Variants in RFPL1 observed in about 807,000 individuals in gnomAD.
The protein encoded by RFPL1 is ret finger protein-like 1.
RFPL1 carries 6 observed loss-of-function variants against 9.6 expected under a neutral mutation model. That is an observed-to-expected ratio of 0.62 (90% CI 0.34 to 1.23). The LOEUF (loss-of-function observed/expected upper bound fraction) is 1.23, where lower values mean the gene tolerates loss of function less well. RFPL1 is among the 50% of genes most tolerant of loss of function. The probability of loss-of-function intolerance (pLI) is 0.03; values close to 1 mark genes in which losing one functional copy is unlikely to be tolerated. For synonymous variants in RFPL1, 145 were observed against 149.4 expected (o/e 0.97, Z 0.22); for missense variants, 352 against 398.4 (o/e 0.88, Z 0.99).
the RFPL1 span, among the ~76,000 whole-genome samples, chr22:29,408,541 G>A: frequency 1.3e-5 from 2 of 152,238 alleles, no homozygotes; most frequent in African/African-American, 2.4e-5. Flanking sequence ...ACACGGCGGT[G>A]TGGAGGAGAA....
the RFPL1 span, among the ~76,000 whole-genome samples, chr22:29,390,787 C>T: frequency 6.6e-6 from 1 of 150,542 alleles, no homozygotes; most frequent in African/African-American, 2.4e-5. Flanking sequence ...TTAGTAGAGA[C>T]GGGGTTTCAC....
At chr22:29,403,540 G>A in the RFPL1 span, among the ~76,000 whole-genome samples, 9 of 152,204 alleles carry the variant, frequency 5.9e-5, no homozygotes, top group African/African-American at 1.7e-4. Flanking sequence ...GGCTGGTGGC[G>A]AAGTGCAGGT....
chr22:29,435,719 C>G (rs2062805496), upstream of RFPL1, among the ~76,000 whole-genome samples: 2 of 144,864 alleles, frequency 1.4e-5, no homozygotes, highest in African/African-American at 5.3e-5. Flanking sequence ...AATATATATA[C>G]AAAGAAAAAA....
chr22:29,429,708 A>G, the RFPL1 span, among the ~76,000 whole-genome samples: 3 of 152,236 alleles, frequency 2.0e-5, no homozygotes, highest in Non-Finnish European at 4.4e-5. Context: ...CTTGTAAATG[A>G]TATGATCTTA....
chr22:29,412,141 T>C, the RFPL1 span, among the ~76,000 whole-genome samples: 3 of 151,976 alleles, frequency 2.0e-5, no homozygotes, highest in African/African-American at 7.3e-5. Flanking sequence ...AGGAATCAGG[T>C]CCCCACTTTT....
chr22:29,397,117 G>A, the RFPL1 span, among the ~76,000 whole-genome samples: 2 of 147,516 alleles, frequency 1.4e-5, no homozygotes, highest in African/African-American at 5.0e-5. Context: ...CACCGTGTTA[G>A]CCAGGATGGT....
At chr22:29,425,913 A>C in the RFPL1 span, among the ~76,000 whole-genome samples, 50 of 152,034 alleles carry the variant, frequency 3.3e-4, no homozygotes, top group South Asian at 2.1e-3. Context: ...AATTATTGAT[A>C]ATTTTTATTT....
the RFPL1 span, among the ~76,000 whole-genome samples, chr22:29,396,897 C>CTTT: frequency 4.8e-3 from 346 of 72,582 alleles, 32 homozygotes; most frequent in African/African-American, 0.022. Flanking sequence ...CCTGAAACTT[C>CTTT]TTTTTTTTTT....
the RFPL1 span, among the ~76,000 whole-genome samples, chr22:29,432,345 C>T: frequency 6.6e-6 from 1 of 152,158 alleles, no homozygotes; most frequent in Non-Finnish European, 1.5e-5. Context: ...CCTCCTATCA[C>T]CCTGTGATGA....
At chr22:29,417,389 G>A in the RFPL1 span, among the ~76,000 whole-genome samples, 2 of 151,816 alleles carry the variant, frequency 1.3e-5, no homozygotes, top group South Asian at 2.1e-4. Context: ...GCCCCTTCCC[G>A]GAGCTGCTGG....
the RFPL1 span, among the ~76,000 whole-genome samples, chr22:29,423,650 A>C: frequency 2.6e-5 from 4 of 152,234 alleles, no homozygotes; most frequent in Non-Finnish European, 4.4e-5. Context: ...GGCACACATT[A>C]ACTCATTAGA....
At chr22:29,389,908 C>T in the RFPL1 span, among the ~76,000 whole-genome samples, 1 of 151,800 alleles carries the variant, frequency 6.6e-6, no homozygotes, top group Non-Finnish European at 1.5e-5. Flanking sequence ...AAGCGATTCT[C>T]CTGCCTGGGC....
At chr22:29,393,249 A>G in the RFPL1 span, among the ~76,000 whole-genome samples, 2 of 152,130 alleles carry the variant, frequency 1.3e-5, no homozygotes, top group Non-Finnish European at 2.9e-5. Context: ...CTTTCCCAAT[A>G]ATTCCATGAC....
At chr22:29,431,697 T>A in the RFPL1 span, among the ~76,000 whole-genome samples, 2 of 152,066 alleles carry the variant, frequency 1.3e-5, no homozygotes, top group African/African-American at 4.8e-5. Flanking sequence ...GTTCTTTTTT[T>A]TTTTTTGAGA....
the RFPL1 span, among the ~76,000 whole-genome samples, chr22:29,408,516 T>A: frequency 5.9e-5 from 9 of 152,252 alleles, no homozygotes; most frequent in African/African-American, 1.7e-4. Context: ...CCATTGAAGA[T>A]GTGCAGGCGT....
the RFPL1 span, among the ~76,000 whole-genome samples, chr22:29,430,891 C>T: frequency 6.6e-6 from 1 of 152,302 alleles, no homozygotes; most frequent in East Asian, 1.9e-4. Flanking sequence ...CCATAATATA[C>T]ATGGCCTAAT....
chr22:29,403,415 T>C, the RFPL1 span, among the ~76,000 whole-genome samples: 6 of 152,184 alleles, frequency 3.9e-5, no homozygotes, highest in Non-Finnish European at 8.8e-5. Flanking sequence ...GGGAAACCAC[T>C]GGAGGATTAC....
At chr22:29,413,117 T>C in the RFPL1 span, among the ~76,000 whole-genome samples, 1 of 151,944 alleles carries the variant, frequency 6.6e-6, no homozygotes, top group East Asian at 1.9e-4. Context: ...AGGGGAGTCT[T>C]GTCTTCCTCA....
chr22:29,415,573 C>T, the RFPL1 span, among the ~76,000 whole-genome samples: 1 of 152,352 alleles, frequency 6.6e-6, no homozygotes, highest in East Asian at 1.9e-4. Context: ...GAGGCTGCCT[C>T]GCTTCCCGGT....
Sources: gnomAD v4.1 joint callset for allele counts (sites outside exome capture counted in the v4.1 genomes callset) on GRCh38, gnomAD v4.1.1 for gene constraint, MANE v1.5 for transcripts, NCBI Gene and HGNC (gene_info 2026-07-23, HGNC 2026-07-21) for gene names.